Variants in CHCT1 observed in about 807,000 individuals in gnomAD.
CHCT1 encodes the protein CHD1 helical C-terminal domain containing 1.
the CHCT1 span, chr17:60,426,536 G>T: frequency 9.3e-6 from 10 of 1,078,070 alleles, no homozygotes; most frequent in African/African-American, 1.6e-5. Context: ...GCGTGCAGGC[G>T]CTCAATACCA....
At chr17:60,426,705 T>TC in the CHCT1 span, 8 of 1,606,468 alleles carry the variant, frequency 5.0e-6, no homozygotes, top group African/African-American at 2.7e-5. Context: ...GCCTAGGGTC[T>TC]CCCCCTTTGC....
At chr17:60,426,685 C>T in the CHCT1 span, 1 of 1,593,172 alleles carries the variant, frequency 6.3e-7, no homozygotes, top group Non-Finnish European at 8.5e-7. Context: ...CGCTGTGCTC[C>T]ACCTCCCCAG....
chr17:60,422,753 T>A, the CHCT1 span: 7 of 1,170,424 alleles, frequency 6.0e-6, no homozygotes, highest in South Asian at 1.1e-4. Context: ...ATAGGGTACC[T>A]GAGATAGCAA....
the CHCT1 span, among the ~76,000 whole-genome samples, chr17:60,428,435 A>G: frequency 6.6e-6 from 1 of 151,486 alleles, no homozygotes; most frequent in South Asian, 2.1e-4. Flanking sequence ...TCTGAATAAG[A>G]GGAGCTGCCA....
At chr17:60,424,993 C>G in the CHCT1 span, among the ~76,000 whole-genome samples, 3 of 152,302 alleles carry the variant, frequency 2.0e-5, no homozygotes, top group South Asian at 6.2e-4. Context: ...ACATACCACT[C>G]AAACTACAGA....
the CHCT1 span, chr17:60,422,054 C>A: frequency 1.4e-6 from 1 of 701,634 alleles, no homozygotes; most frequent in Non-Finnish European, 1.7e-6. Flanking sequence ...TTATTATTAA[C>A]AACTTCCTGG....
At chr17:60,430,113 C>A in the CHCT1 span, among the ~76,000 whole-genome samples, 1 of 142,106 alleles carries the variant, frequency 7.0e-6, no homozygotes, top group African/African-American at 2.6e-5. Flanking sequence ...GTGTGAGCCA[C>A]GCACCTGGCT....
chr17:60,428,377 T>C, the CHCT1 span, among the ~76,000 whole-genome samples: 1 of 152,310 alleles, frequency 6.6e-6, no homozygotes, highest in East Asian at 1.9e-4. Context: ...TCTGCATCTG[T>C]TTCTTCCTCT....
At chr17:60,426,289 C>T in the CHCT1 span, 1 of 1,551,752 alleles carries the variant, frequency 6.4e-7, no homozygotes, top group African/African-American at 1.4e-5. Flanking sequence ...ACATCAACAC[C>T]TTTCTGCAGC....
the CHCT1 span, chr17:60,426,372 C>A: frequency 6.6e-7 from 1 of 1,513,732 alleles, no homozygotes; most frequent in Non-Finnish European, 8.9e-7. Flanking sequence ...CCCATACCTA[C>A]TCCTGGGCAA....
chr17:60,421,451 C>T, the CHCT1 span: 1 of 985,638 alleles, frequency 1.0e-6, no homozygotes, highest in African/African-American at 1.7e-5. Flanking sequence ...GGCGGTCCCA[C>T]CGCACTGTCG....
chr17:60,421,697 C>T, the CHCT1 span: 1 of 815,398 alleles, frequency 1.2e-6, no homozygotes, highest in Non-Finnish European at 1.5e-6. Context: ...GCCTCCTGAG[C>T]ACCTCCCGGC....
chr17:60,426,247 C>A, the CHCT1 span: 5 of 1,551,856 alleles, frequency 3.2e-6, no homozygotes, highest in Non-Finnish European at 4.4e-6. Flanking sequence ...AGCTGAAGTA[C>A]ATGAAGCAGA....
chr17:60,425,129 C>G, the CHCT1 span, among the ~76,000 whole-genome samples: 15 of 152,176 alleles, frequency 9.9e-5, no homozygotes, highest in Non-Finnish European at 1.9e-4. Flanking sequence ...CCCTCCCACT[C>G]CATGATCTCC....
At chr17:60,423,904 T>C in the CHCT1 span, among the ~76,000 whole-genome samples, 1 of 152,232 alleles carries the variant, frequency 6.6e-6, no homozygotes, top group Non-Finnish European at 1.5e-5. Context: ...TACTTGAGGC[T>C]AGGCAATTTA....
At chr17:60,428,303 A>G in the CHCT1 span, among the ~76,000 whole-genome samples, 2 of 152,032 alleles carry the variant, frequency 1.3e-5, no homozygotes, top group African/African-American at 2.4e-5. Context: ...CTGGGATGAG[A>G]GCCGTGCTCT....
chr17:60,429,493 G>A, the CHCT1 span: 4 of 1,614,234 alleles, frequency 2.5e-6, no homozygotes, highest in African/African-American at 1.3e-5. Flanking sequence ...TGTCCAACAT[G>A]CAGACCCCAG....
the CHCT1 span, chr17:60,421,946 G>A: frequency 4.1e-6 from 4 of 985,276 alleles, no homozygotes; most frequent in African/African-American, 7.0e-5. Flanking sequence ...CCGCGGGGAG[G>A]GTTACAGAGC....
chr17:60,425,405 G>T, the CHCT1 span, among the ~76,000 whole-genome samples: 1 of 152,128 alleles, frequency 6.6e-6, no homozygotes, highest in African/African-American at 2.4e-5. Flanking sequence ...CTGGTCTGCT[G>T]CCACTTTTGC....
Sources: gnomAD v4.1 joint callset for allele counts (sites outside exome capture counted in the v4.1 genomes callset) on GRCh38, gnomAD v4.1.1 for gene constraint, MANE v1.5 for transcripts, NCBI Gene and HGNC (gene_info 2026-07-23, HGNC 2026-07-21) for gene names.